Variants in ANTXR2 observed in about 807,000 individuals in gnomAD.
ANTXR2 encodes the protein ANTXR cell adhesion molecule 2.
A neutral mutation model predicts 73.7 loss-of-function variants in ANTXR2; 44 were observed. The ratio of observed to expected loss-of-function variants is 0.60; its 90% confidence interval spans 0.47 to 0.77. The LOEUF (loss-of-function observed/expected upper bound fraction) is 0.77, where lower values mean the gene tolerates loss of function less well. Among genes scored for constraint, ANTXR2 ranks in the 30% least tolerant of loss-of-function variants. The probability of loss-of-function intolerance (pLI) is 0.00; values close to 1 mark genes in which losing one functional copy is unlikely to be tolerated. For missense variants in ANTXR2, 604 were observed against 592.5 expected, an observed-to-expected ratio of 1.02 and a Z score of -0.20; for synonymous variants, 217 against 205.9, an observed-to-expected ratio of 1.05 and a Z score of -0.46.
At chr4:79,919,583 T>A (rs1578082217) in intron 16 of ANTXR2, among the ~76,000 whole-genome samples, 2 of 152,084 alleles carry the variant, frequency 1.3e-5, no homozygotes. Flanking sequence ...CTGGCCTATA[T>A]CTTTCTCCCA....
intron 7 of ANTXR2, among the ~76,000 whole-genome samples, chr4:80,042,909 T>C (rs1308951006): frequency 6.6e-6 from 1 of 152,042 alleles, no homozygotes; most frequent in Non-Finnish European, 1.5e-5. Flanking sequence ...TAACCGATGG[T>C]TGTTCTCAGA....
rs112407467 is a variant in ANTXR2 at position 80,024,933 on chromosome 4, A to G, written c.867-5957T>C. 1.8e-4 allele frequency among the ~76,000 whole-genome samples: 28 copies of G among 152,338 alleles called. 1 individual carries two copies. The highest frequency in any genetic ancestry group is 6.5e-4 in the African/African-American group (27 of 41,588). ...AGATAATACAGGGAGGTAAGGGAAGATAATGCTGGGAAATGGCAACACTTT... is the reference window on the plus strand; with the variant it reads ...AGATAATACAGGGAGGTAAGGGAAGGTAATGCTGGGAAATGGCAACACTTT... On this transcript the variant is annotated intron_variant, in intron 10 of 16. Coordinates refer to ENST00000403729, the MANE Select transcript of ANTXR2 (RefSeq NM_058172.6).
intron 16 of ANTXR2, among the ~76,000 whole-genome samples, chr4:79,958,630 G>T (rs536163921): frequency 1.3e-4 from 20 of 152,106 alleles, no homozygotes; most frequent in Non-Finnish European, 2.8e-4. Context: ...TTTTGTATCT[G>T]AGATTAAGGA....
rs1340781300 is a variant in ANTXR2 at position 79,901,679 on chromosome 4, C to G, written c.*5750G>C. 1 of 157,346 alleles carries G rather than the reference C, an allele frequency of 6.4e-6. No homozygotes were observed. Among genetic ancestry groups the G allele is most frequent in the Admixed American group, 6.6e-5 (1 of 15,234 alleles). The allele number at this position is 157,346 out of a possible 1,614,324, so 9.7% of individuals were successfully genotyped here. A position where few individuals can be genotyped will look rare whatever the true frequency, so the allele number is the denominator to read the frequency against. ...ATTGTTATATATAATGAAATAATTACACAACTCACTATAATGTAGAATCAG... is the reference window on the plus strand; with the variant it reads ...ATTGTTATATATAATGAAATAATTAGACAACTCACTATAATGTAGAATCAG... On this transcript the variant is annotated 3_prime_UTR_variant, in exon 17 of 17. Coordinates refer to ENST00000403729, the MANE Select transcript of ANTXR2 (RefSeq NM_058172.6).
At chr4:79,999,928 T>C (rs1730938788) in intron 12 of ANTXR2, among the ~76,000 whole-genome samples, 1 of 151,798 alleles carries the variant, frequency 6.6e-6, no homozygotes, top group African/African-American at 2.4e-5. Context: ...CAAAAAAAAA[T>C]CTGAGCAACT....
intron 12 of ANTXR2, among the ~76,000 whole-genome samples, chr4:80,005,839 A>G (rs1731276142): frequency 6.6e-6 from 1 of 152,142 alleles, no homozygotes; most frequent in African/African-American, 2.4e-5. Flanking sequence ...TCAGGTAATT[A>G]GACTGATCGA....
chr4:80,046,579 T>C (rs1354190399), intron 7 of ANTXR2, among the ~76,000 whole-genome samples: 1 of 151,826 alleles, frequency 6.6e-6, no homozygotes, highest in African/African-American at 2.4e-5. Context: ...TTGCCCACTT[T>C]CTTGTTTTAC....
chr4:80,046,720 C>T (rs1392938622), intron 7 of ANTXR2, among the ~76,000 whole-genome samples: 1 of 151,716 alleles, frequency 6.6e-6, no homozygotes, highest in Non-Finnish European at 1.5e-5. Context: ...ACTAATTCTT[C>T]TATTAATTTT....
intron 16 of ANTXR2, among the ~76,000 whole-genome samples, chr4:79,947,773 A>G (rs910495179): frequency 7.2e-5 from 11 of 152,184 alleles, no homozygotes; most frequent in African/African-American, 2.2e-4. Context: ...AGTAAATATT[A>G]TAAAACTCTG....
At chr4:79,966,886 C>T (rs11098965) in intron 16 of ANTXR2, among the ~76,000 whole-genome samples, 97,450 of 129,688 alleles carry the variant, frequency 0.75, 37,429 homozygotes, top group East Asian at 0.96. Flanking sequence ...ACTGTGCTGG[C>T]GACTATAAGA....
At chr4:80,028,264 C>G (rs937852027) in intron 10 of ANTXR2, among the ~76,000 whole-genome samples, 1 of 152,076 alleles carries the variant, frequency 6.6e-6, no homozygotes, top group African/African-American at 2.4e-5. Context: ...TATACCTGGA[C>G]AGGATTTGCC....
chr4:80,016,645 A>G (rs914006999), intron 11 of ANTXR2, among the ~76,000 whole-genome samples: 37 of 152,210 alleles, frequency 2.4e-4, no homozygotes, highest in Non-Finnish European at 1.0e-4. Context: ...TGCGATGTCC[A>G]ATAGACATCC....
At chr4:79,923,858 G>C (rs6534654) in intron 16 of ANTXR2, among the ~76,000 whole-genome samples, 87,270 of 152,028 alleles carry the variant, frequency 0.57, 25,389 homozygotes, top group Non-Finnish European at 0.6. Flanking sequence ...CTGTCTCTAT[G>C]TGTGTTGATA....
At chr4:79,991,220 T>C (rs1730451427) in intron 12 of ANTXR2, among the ~76,000 whole-genome samples, 1 of 151,958 alleles carries the variant, frequency 6.6e-6, no homozygotes, top group African/African-American at 2.4e-5. Context: ...AGGTCTAATA[T>C]CCAGAATCTG....
At chr4:80,067,040 C>A (rs565094908) in intron 3 of ANTXR2, among the ~76,000 whole-genome samples, 1 of 152,162 alleles carries the variant, frequency 6.6e-6, no homozygotes, top group African/African-American at 2.4e-5. Context: ...CCCGTCTCTA[C>A]TAAAAAATAC....
At chr4:79,988,728 C>T (rs759043025) in intron 12 of ANTXR2, among the ~76,000 whole-genome samples, 1 of 151,990 alleles carries the variant, frequency 6.6e-6, no homozygotes, top group African/African-American at 2.4e-5. Context: ...ACTCTAAGAT[C>T]GACCACATGC....
intron 12 of ANTXR2, among the ~76,000 whole-genome samples, chr4:80,006,123 C>T (rs1029774510): frequency 2.6e-5 from 4 of 152,060 alleles, no homozygotes; most frequent in African/African-American, 9.7e-5. Context: ...CTGAAATGCT[C>T]CCTTTAGTCT....
chr4:79,999,592 G>A (rs1263063347), intron 12 of ANTXR2, among the ~76,000 whole-genome samples: 3 of 151,828 alleles, frequency 2.0e-5, no homozygotes, highest in Non-Finnish European at 2.9e-5. Flanking sequence ...AGAATTTAAA[G>A]GACCCCAATC....
intron 12 of ANTXR2, among the ~76,000 whole-genome samples, chr4:79,989,260 T>TA (rs536472990): frequency 2.0e-5 from 3 of 150,550 alleles, no homozygotes; most frequent in South Asian, 2.1e-4. Context: ...GATTAATAAA[T>TA]AAAAAAAAGA....
Sources: allele counts gnomAD v4.1 joint callset (sites outside exome capture counted in the v4.1 genomes callset), GRCh38; gene constraint gnomAD v4.1.1; transcripts MANE v1.5; gene names NCBI Gene and HGNC (gene_info 2026-07-23, HGNC 2026-07-21).